MCM6: variants seen among roughly 807,000 people sequenced by gnomAD.
MCM6 encodes the protein DNA replication licensing factor MCM6.
A neutral mutation model predicts 94.3 loss-of-function variants in MCM6; 46 were observed. The ratio of observed to expected loss-of-function variants is 0.49; its 90% CI spans 0.39 to 0.62. The LOEUF is 0.62. Among genes scored for constraint, MCM6 ranks in the 20% least tolerant of loss-of-function variants. The pLI is 0.00. For synonymous variants in MCM6, 335 were observed against 351.9 expected (o/e 0.95, Z 0.54); for missense variants, 865 against 1,017.9 (o/e 0.85, Z 2.04).
chr2:135,845,402 T>C (rs762010601), intron 15 of MCM6, among the ~76,000 whole-genome samples: 4 of 152,170 alleles, frequency 2.6e-5, no homozygotes, highest in African/African-American at 4.8e-5. Context: ...CAAGAACACC[T>C]TGAGTTCCCA....
chr2:135,847,040 AC>A lies in MCM6; in HGVS notation c.2054-649del, dbSNP rs953902868. On this transcript the variant is annotated intron_variant, in intron 14 of 16. Transcript: ENST00000264156. ...AAAAACAAAAAACAAACAAAAAAAA[AC>A]ATGCATACAGTTATACATAGCATAT... Among the ~76,000 whole-genome samples the A allele has an allele frequency of 2.4e-4, 36 of 152,206 alleles. 1 individual carries two copies. Among genetic ancestry groups the A allele is most frequent in the Middle Eastern group, 6.8e-3 (2 of 294 alleles).
At position 135,869,320 on chromosome 2, in the gene MCM6, G is replaced by A. The variant is rs4988170; in HGVS notation, c.366-460C>T. On this transcript the variant is annotated intron_variant, in intron 3 of 16. Coordinates refer to ENST00000264156, the MANE Select transcript of MCM6 (RefSeq NM_005915.6). ...GGGAGCCGAGGCAGGAGAATTGTTT[G>A]AACCCGGGAGGTGGAGGGTGCAGTG... Among the ~76,000 whole-genome samples the A allele has an allele frequency of 8.5e-3, 1,280 of 150,584 alleles. 90 individuals carry two copies. The East Asian group carries it at 0.18, about 22-fold the overall frequency.
At chr2:135,858,138 G>A (rs1215957612) in intron 9 of MCM6, 134 bp from the exon 10 acceptor site, 1 of 763,488 alleles carries the variant, frequency 1.3e-6, no homozygotes, top group East Asian at 2.5e-5. Context: ...AGGTTACAGT[G>A]AGCCATGATT....
At chr2:135,842,136 GTAA>G (rs1452357262) in intron 16 of MCM6, among the ~76,000 whole-genome samples, 1 of 151,266 alleles carries the variant, frequency 6.6e-6, no homozygotes. Flanking sequence ...AAATAAATAG[GTAA>G]TTCAAGTTTA....
intron 11 of MCM6, among the ~76,000 whole-genome samples, chr2:135,855,390 G>A (rs1247918937): frequency 6.6e-6 from 1 of 151,844 alleles, no homozygotes; most frequent in East Asian, 2.0e-4. Context: ...ACCAAACCAG[G>A]TGTGATGGTG....
At chr2:135,866,307 C>T (rs1558762142) in intron 5 of MCM6, 30 bp from the exon 6 acceptor site, 1 of 1,611,606 alleles carries the variant, frequency 6.2e-7, no homozygotes, top group Admixed American at 1.7e-5. Context: ...TGTTTCACAA[C>T]TTAAATATTA....
chr2:135,868,397 A>C (rs748006693), intron 4 of MCM6, among the ~76,000 whole-genome samples: 1 of 152,240 alleles, frequency 6.6e-6, no homozygotes, highest in Non-Finnish European at 1.5e-5. Flanking sequence ...GTCAGTCTTA[A>C]GGAACTTCCA....
At chr2:135,857,012 A>T in intron 10 of MCM6, 129 bp from the exon 11 acceptor site, 1 of 750,930 alleles carries the variant, frequency 1.3e-6, no homozygotes, top group Non-Finnish European at 2.1e-6. Context: ...TTTTTCACAT[A>T]AACAGGAACT....
In MCM6 at chr2:135,848,117, A is replaced by C. The variant is rs745727867; in HGVS notation, c.1989T>G (p.Asp663Glu). ...TCTCTTCCTCTTGATCTAGATTGAC[A>C]TCAGGTGTTTCCACACGGATGATTG... The part of the protein sequence containing the change: ...NKSIIRVETP[D>E]VNLDQEEEIQ... The change falls in exon 14 of 17, where the codon GAT (aspartate) becomes GAG (glutamate). Residue 663 changes from aspartate to glutamate, a missense_variant. By Grantham distance (45) the Asp-to-Glu change is conservative (BLOSUM62 2). Around this residue, in one of 3 missense-constraint regions of MCM6, gnomAD observed 308 missense variants for 324.5 expected, o/e 0.95. Transcript: ENST00000264156. The C allele has an allele frequency of 2.5e-6, 4 of 1,611,058 alleles. No homozygotes were observed. The South Asian group carries it at 4.4e-5, about 18-fold the overall frequency.
At position 135,851,544 on chromosome 2, in the gene MCM6, T is replaced by G. The variant is rs757540721; in HGVS notation, c.1775A>C (p.Asp592Ala). 6.2e-7 allele frequency: 1 copy of G among 1,604,606 alleles called. No homozygotes were observed. The highest frequency in any genetic ancestry group is 1.1e-5 in the South Asian group (1 of 90,342). The change falls in exon 13 of 17, where the codon GAC becomes GCC. Residue 592 changes from aspartate (D) to alanine (A), a missense_variant. Transcript: ENST00000264156. ...ATGTTTATATTGCTCCACAATGAAGTCCTCTGACTCTTTGGAAATCTGTTT... is the reference window on the plus strand; with the variant it reads ...ATGTTTATATTGCTCCACAATGAAGGCCTCTGACTCTTTGGAAATCTGTTT... ...FKPKISKESE[D>A]FIVEQYKHLR...
chr2:135,873,113 G>A (rs1238583720), intron 1 of MCM6, among the ~76,000 whole-genome samples: 2 of 152,146 alleles, frequency 1.3e-5, no homozygotes, highest in Non-Finnish European at 2.9e-5. Context: ...GCTGTTCTCT[G>A]ATAGTAAGTC....
intron 13 of MCM6, among the ~76,000 whole-genome samples, chr2:135,849,311 A>G (rs1039707607): frequency 6.6e-6 from 1 of 152,200 alleles, no homozygotes; most frequent in African/African-American, 2.4e-5. Flanking sequence ...AAACCTTTAT[A>G]TCAGCCTGAA....
rs924347913 is a variant in MCM6 at position 135,868,798 on chromosome 2, C to T, written c.428G>A (p.Arg143Gln). Residue 143 changes from arginine to glutamine, a missense_variant, in exon 4 of 17, where the codon CGG (arginine) becomes CAG (glutamine). By Grantham distance (43) the Arg-to-Gln change is conservative. Transcript: ENST00000264156. ...LLTRISGQVV[R>Q]THPVHPELVS... is the part of the protein sequence containing the mutation. ...AAGCTCTGGGTGAACTGGGTGAGTCCGCACCACCTGCCCACTGATGCGAGT... is the reference window on the plus strand; with the variant it reads ...AAGCTCTGGGTGAACTGGGTGAGTCTGCACCACCTGCCCACTGATGCGAGT... The T allele has an allele frequency of 2.5e-5, 41 of 1,614,020 alleles. No homozygotes were observed. The highest frequency in any genetic ancestry group is 3.1e-5 in the Non-Finnish European group (37 of 1,180,032).
chr2:135,863,807 T>A (rs1680037678), intron 7 of MCM6, among the ~76,000 whole-genome samples: 2 of 150,660 alleles, frequency 1.3e-5, no homozygotes, highest in Non-Finnish European at 2.9e-5. Context: ...CTTCTCTGAC[T>A]TATATTTAGA....
At chr2:135,841,610 A>G (rs1225171432) in intron 16 of MCM6, among the ~76,000 whole-genome samples, 2 of 152,224 alleles carry the variant, frequency 1.3e-5, no homozygotes, top group Non-Finnish European at 2.9e-5. Flanking sequence ...TCCACAGTAT[A>G]AACACTGAAG....
intron 7 of MCM6, among the ~76,000 whole-genome samples, chr2:135,863,800 C>A (rs1680037476): frequency 1.3e-5 from 2 of 150,796 alleles, no homozygotes; most frequent in Non-Finnish European, 2.9e-5. Flanking sequence ...AACAAAACTT[C>A]TCTGACTTAT....
rs1679532456 is a variant in MCM6 at position 135,839,714 on chromosome 2, T to C, written c.*1121A>G. 6.6e-6 allele frequency: 1 copy of C among 152,218 alleles called. No homozygotes were observed. Among genetic ancestry groups the C allele is most frequent in the Non-Finnish European group, 1.5e-5 (1 of 68,040 alleles). The allele number at this position is 152,218 out of a possible 1,614,324, so 9.4% of individuals were successfully genotyped here. A position where few individuals can be genotyped will look rare whatever the true frequency, so the allele number is the denominator to read the frequency against. On this transcript the variant is annotated 3_prime_UTR_variant, in exon 17 of 17. Coordinates refer to ENST00000264156, the MANE Select transcript of MCM6 (RefSeq NM_005915.6). ...TTGACAAGGTTTCATACAAGTTGAT[T>C]CCAGGGAAAGAGATAATTATTGGGA... is the stretch of plus-strand genomic sequence containing the variant.
rs750299708 is a variant in MCM6 at position 135,862,730 on chromosome 2, C to T, written c.1097G>A (p.Arg366Gln). 2 of 1,613,966 alleles carry T rather than the reference C, an allele frequency of 1.2e-6. No individual in the cohort carries two copies. Among genetic ancestry groups the T allele is most frequent in the Admixed American group, 1.7e-5 (1 of 59,952 alleles). The change falls in exon 8 of 17, where the codon CGG (arginine) becomes CAG (glutamine). Residue 366 changes from arginine to glutamine, a missense_variant. Physicochemically the swap from Arg to Gln is conservative, Grantham distance 43 (BLOSUM62 1). Around this residue, in one of 3 missense-constraint regions of MCM6, gnomAD observed 153 missense variants for 241.5 expected, o/e 0.63. Coordinates refer to ENST00000264156, the MANE Select transcript of MCM6 (RefSeq NM_005915.6). ...PTIHGNDEVK[R>Q]GVLLMLFGGV... The stretch of plus-strand genomic sequence containing the variant: ...ACCAAAGAGCATCAGCAGGACACCC[C>T]GTTTTACTTCATCATTGCCTGAAAT...
intron 13 of MCM6, among the ~76,000 whole-genome samples, chr2:135,849,945 ATATT>A (rs1330599725): frequency 6.6e-6 from 1 of 152,218 alleles, no homozygotes; most frequent in African/African-American, 2.4e-5. Context: ...TTCAGAAAAT[ATATT>A]TGTGTATATA....
Sources: gnomAD v4.1 joint callset for allele counts (sites outside exome capture counted in the v4.1 genomes callset) on GRCh38, gnomAD v4.1.1 for gene constraint, gnomAD v4.1.1 regional missense constraint, MANE v1.5 for transcripts, NCBI Gene and HGNC (gene_info 2026-07-23, HGNC 2026-07-21) for gene names.